CHST11: variants seen among roughly 807,000 people sequenced by gnomAD.
CHST11 encodes carbohydrate sulfotransferase 11, also known as C4S-1.
Under a neutral mutation model 30.4 loss-of-function variants are expected in CHST11, and 9 were observed. The ratio of observed to expected loss-of-function variants is 0.30; its 90% CI spans 0.18 to 0.52. The LOEUF is 0.52. CHST11 is among the 20% of genes least tolerant of loss of function. The pLI is 0.97. For synonymous variants in CHST11, 152 were observed against 187.8 expected (o/e 0.81, Z 1.56); for missense variants, 348 against 460.6 (o/e 0.76, Z 2.24).
At chr12:104,735,195 C>A (rs2040290850) in intron 2 of CHST11, among the ~76,000 whole-genome samples, 1 of 152,260 alleles carries the variant, frequency 6.6e-6, no homozygotes, top group Non-Finnish European at 1.5e-5. Flanking sequence ...CTGGCTGCAC[C>A]ACCGGCTAGC....
At chr12:104,633,090 C>T (rs971242248) in intron 2 of CHST11, among the ~76,000 whole-genome samples, 3 of 152,156 alleles carry the variant, frequency 2.0e-5, no homozygotes, top group African/African-American at 7.2e-5. Flanking sequence ...TATAAATGCA[C>T]GAAAGCAGCT....
intron 1 of CHST11, among the ~76,000 whole-genome samples, chr12:104,537,097 G>T (rs980709833): frequency 1.3e-5 from 2 of 152,016 alleles, no homozygotes; most frequent in Non-Finnish European, 2.9e-5. Context: ...GCAGGTGTGT[G>T]GAACAAAAAG....
At chr12:104,598,426 G>A (rs952697164) in intron 1 of CHST11, among the ~76,000 whole-genome samples, 1 of 152,144 alleles carries the variant, frequency 6.6e-6, no homozygotes, top group African/African-American at 2.4e-5. Flanking sequence ...ATGGAGCCAG[G>A]TTGTGTGGAA....
At chr12:104,553,899 C>T (rs2038430019) in intron 1 of CHST11, among the ~76,000 whole-genome samples, 1 of 152,054 alleles carries the variant, frequency 6.6e-6, no homozygotes, top group South Asian at 2.1e-4. Flanking sequence ...GGCCCTTTGC[C>T]TTAGGGTCTC....
At chr12:104,565,015 G>T (rs1294662496) in intron 1 of CHST11, among the ~76,000 whole-genome samples, 2 of 152,092 alleles carry the variant, frequency 1.3e-5, no homozygotes, top group Non-Finnish European at 1.5e-5. Flanking sequence ...GTGACATGTG[G>T]GGATTATGGG....
intron 2 of CHST11, among the ~76,000 whole-genome samples, chr12:104,649,013 C>G: frequency 6.6e-6 from 1 of 152,164 alleles, no homozygotes; most frequent in African/African-American, 2.4e-5. Flanking sequence ...CCTTTCTGTC[C>G]TCTTGCTGGT....
Position 104,729,275 on chromosome 12 carries a change from A to G in CHST11, c.205-27674A>G, listed in dbSNP as rs1477382033. ...CCTTGAGCAAGCCTCTCTGTGACCT[A>G]CAGCTTCCTCCCCTGTGAAATCGTG... On this transcript the variant is annotated intron_variant, in intron 2 of 2. Transcript: ENST00000303694. The surrounding 1 kb of genome is among the most constrained non-coding windows in gnomAD (Gnocchi z 4.0). 1.3e-5 allele frequency among the ~76,000 whole-genome samples: 2 copies of G among 152,138 alleles called. No homozygotes were observed. Among genetic ancestry groups the G allele is most frequent in the Non-Finnish European group, 2.9e-5 (2 of 68,026 alleles).
chr12:104,655,142 GA>G (rs1168967582), intron 2 of CHST11, among the ~76,000 whole-genome samples: 1 of 152,256 alleles, frequency 6.6e-6, no homozygotes, highest in Non-Finnish European at 1.5e-5. Flanking sequence ...ATAGCTGATG[GA>G]AATGGCAGAG....
intron 1 of CHST11, among the ~76,000 whole-genome samples, chr12:104,537,365 A>G (rs566395084): frequency 1.3e-5 from 2 of 152,292 alleles, no homozygotes; most frequent in Non-Finnish European, 2.9e-5. Flanking sequence ...TGAGATACCC[A>G]GCATGTGGCT....
At chr12:104,720,109 A>C (rs12303610) in intron 2 of CHST11, among the ~76,000 whole-genome samples, 4,995 of 152,304 alleles carry the variant, frequency 0.033, 291 homozygotes, top group African/African-American at 0.11. Flanking sequence ...TAGTTTCGTA[A>C]ACATTGCTGG....
In CHST11 at chr12:104,483,457, C is replaced by T. The variant is rs138381484; in HGVS notation, c.118+25928C>T. ...CTGACCTCAGGTGATCGGCCTGCCT[C>T]GGCCTCTCAAAGTGCTGGGATTACA... is the stretch of plus-strand genomic sequence containing the variant. On this transcript the variant is annotated intron_variant, in intron 1 of 2. Coordinates refer to ENST00000303694, the MANE Select transcript of CHST11 (RefSeq NM_018413.6). Among the ~76,000 whole-genome samples the T allele has an allele frequency of 1.5e-3, 228 of 152,320 alleles. 2 individuals carry two copies. Among genetic ancestry groups the T allele is most frequent in the South Asian group, 0.011 (52 of 4,830 alleles).
intron 2 of CHST11, among the ~76,000 whole-genome samples, chr12:104,735,173 TG>T (rs2040290710): frequency 6.6e-6 from 1 of 152,202 alleles, no homozygotes; most frequent in South Asian, 2.1e-4. Context: ...TCCAGTTACC[TG>T]GGTTCAAATC....
At chr12:104,710,701 C>T (rs965994250) in intron 2 of CHST11, among the ~76,000 whole-genome samples, 8 of 152,124 alleles carry the variant, frequency 5.3e-5, no homozygotes, top group Admixed American at 3.3e-4. Context: ...AAACGTGGCC[C>T]CTCAAACTGT....
intron 1 of CHST11, among the ~76,000 whole-genome samples, chr12:104,520,138 C>G (rs1004741319): frequency 6.6e-6 from 1 of 152,124 alleles, no homozygotes; most frequent in Non-Finnish European, 1.5e-5. Flanking sequence ...ATGCTACAGG[C>G]AGTAAGGGAT....
intron 2 of CHST11, among the ~76,000 whole-genome samples, chr12:104,668,141 G>T (rs902437062): frequency 5.9e-5 from 9 of 152,080 alleles, no homozygotes; most frequent in African/African-American, 2.2e-4. Flanking sequence ...AACTTCCCTG[G>T]AAGTCAGTTT....
At chr12:104,508,660 C>T (rs1359993077) in intron 1 of CHST11, among the ~76,000 whole-genome samples, 1 of 152,156 alleles carries the variant, frequency 6.6e-6, no homozygotes, top group Non-Finnish European at 1.5e-5. Context: ...GATTATCCAA[C>T]CATCAGCTTT....
intron 2 of CHST11, among the ~76,000 whole-genome samples, chr12:104,694,056 G>A (rs2039922453): frequency 6.6e-6 from 1 of 152,144 alleles, no homozygotes; most frequent in Non-Finnish European, 1.5e-5. Context: ...TATTAAAACA[G>A]GCAGCTAACT....
At chr12:104,464,481 C>T (rs1026253910) in intron 1 of CHST11, among the ~76,000 whole-genome samples, 1 of 152,040 alleles carries the variant, frequency 6.6e-6, no homozygotes, top group Non-Finnish European at 1.5e-5. Flanking sequence ...CCAACTAGAC[C>T]ATCTCCTTTT....
At chr12:104,536,294 C>T (rs1022212676) in intron 1 of CHST11, among the ~76,000 whole-genome samples, 16 of 152,192 alleles carry the variant, frequency 1.1e-4, no homozygotes, top group Admixed American at 9.2e-4. Context: ...ATGTCATAGA[C>T]TCAGTATTTA....
Sources: gnomAD v4.1 joint callset for allele counts (sites outside exome capture counted in the v4.1 genomes callset) on GRCh38, gnomAD v4.1.1 for gene constraint, Gnocchi (gnomAD v3.1) non-coding constraint, MANE v1.5 for transcripts, NCBI Gene and HGNC (gene_info 2026-07-23, HGNC 2026-07-21) for gene names.